Variants in CCDC15 observed in about 807,000 individuals in gnomAD.
CCDC15 encodes coiled-coil domain containing 15.
In CCDC15, 105 loss-of-function variants were observed where a neutral mutation model predicts 114.5. That is an observed-to-expected ratio of 0.92 (90% CI 0.78 to 1.08). CCDC15 has a LOEUF of 1.08. Among genes scored for constraint, CCDC15 ranks in the 50% least tolerant of loss-of-function variants. The pLI is 0.00. For missense variants in CCDC15, 1,105 were observed against 1,093.6 expected (o/e 1.01, Z -0.15); for synonymous variants, 334 against 377.8 (o/e 0.88, Z 1.34).
At chr11:125,037,302 T>C (rs1407442919) in intron 13 of CCDC15, among the ~76,000 whole-genome samples, 1 of 152,238 alleles carries the variant, frequency 6.6e-6, no homozygotes, top group Non-Finnish European at 1.5e-5. Context: ...TTCTGTGAAA[T>C]ACAAGTTTTT....
chr11:125,006,357 T>C (rs1256940251), intron 13 of CCDC15, among the ~76,000 whole-genome samples: 1 of 152,232 alleles, frequency 6.6e-6, no homozygotes, highest in Non-Finnish European at 1.5e-5. Context: ...CATCTGTGTA[T>C]CTTCTTTGGT....
intron 1 of CCDC15, 99 bp downstream of exon 1, chr11:124,954,469 C>T (rs1947513312): frequency 9.2e-6 from 3 of 325,448 alleles, no homozygotes; most frequent in Non-Finnish European, 1.8e-5. Context: ...CTCTCATTCC[C>T]ATCCTTTCTC....
chr11:124,976,722 A>G (rs1454987549), intron 5 of CCDC15, among the ~76,000 whole-genome samples: 1 of 152,138 alleles, frequency 6.6e-6, no homozygotes, highest in Non-Finnish European at 1.5e-5. Flanking sequence ...AAAGTGTACT[A>G]TTCACAGTTC....
intron 4 of CCDC15, among the ~76,000 whole-genome samples, chr11:124,963,150 T>G (rs1421764127): frequency 1.3e-5 from 2 of 152,238 alleles, no homozygotes. Context: ...CCTTTGGGTA[T>G]ATACCAAGTA....
chr11:124,968,826 T>C (rs1480319154), intron 4 of CCDC15, among the ~76,000 whole-genome samples: 2 of 152,194 alleles, frequency 1.3e-5, no homozygotes, highest in African/African-American at 4.8e-5. Flanking sequence ...TCTCCATATG[T>C]GGCCATCTAA....
intron 8 of CCDC15, 92 bp downstream of exon 8, chr11:124,988,226 G>C (rs984665849): frequency 2.4e-5 from 32 of 1,312,236 alleles, no homozygotes; most frequent in Non-Finnish European, 3.1e-5. Context: ...ATACCTTGGA[G>C]ATACTGTGGG....
In CCDC15 at chr11:124,985,648, C is replaced by T. The variant is rs556127373; in HGVS notation, c.754-1094C>T. Among the ~76,000 whole-genome samples the T allele has an allele frequency of 5.3e-5, 8 of 151,632 alleles. No individual in the cohort carries two copies. In the South Asian group the frequency reaches 1.7e-3, roughly 32 times the overall value. Reference sequence around the variant, plus strand: ...TAACTCTTGTGGATAAAATGTCATGCATGTGCTTTACCCATTTTTTAATTG... The same window carrying T: ...TAACTCTTGTGGATAAAATGTCATGTATGTGCTTTACCCATTTTTTAATTG... On this transcript the variant is annotated intron_variant, in intron 6 of 15. Transcript: ENST00000344762.
chr11:124,975,515 A>G (rs1175826446), intron 5 of CCDC15, among the ~76,000 whole-genome samples: 1 of 152,216 alleles, frequency 6.6e-6, no homozygotes, highest in Non-Finnish European at 1.5e-5. Context: ...ACAAATACTT[A>G]TGGAATGTCT....
chr11:124,959,349 T>G, intron 3 of CCDC15, 85 bp downstream of exon 3: 1 of 1,131,694 alleles, frequency 8.8e-7, no homozygotes, highest in Non-Finnish European at 1.2e-6. Flanking sequence ...ACAGAATTGC[T>G]TTCCTTTGAT....
chr11:125,015,385 TAGGAA>T (rs1948622211), intron 13 of CCDC15, among the ~76,000 whole-genome samples: 2 of 152,250 alleles, frequency 1.3e-5, no homozygotes, highest in South Asian at 4.1e-4. Context: ...TCACCAATAT[TAGGAA>T]TGGAAAGGGA....
Position 124,977,518 on chromosome 11 carries a change from C to T in CCDC15, c.671C>T (p.Thr224Ile), listed in dbSNP as rs1165448999. 3 of 1,603,854 alleles carry T rather than the reference C, an allele frequency of 1.9e-6. No individual in the cohort carries two copies. The highest frequency in any genetic ancestry group is 2.6e-6 in the Non-Finnish European group (3 of 1,174,962). Residue 224 changes from threonine (T) to isoleucine (I), a missense_variant, in exon 6 of 16, where the codon ACA becomes ATA. Transcript: ENST00000344762. ...AAACCAGCATCCACTGGGATAAATA[C>T]AGGAATAAGAGGAGAGTTGCCCATT... Reference protein sequence around the residue: ...SRKPASTGINTGIRGELPIKV... With the variant: ...SRKPASTGINIGIRGELPIKV...
In CCDC15 at chr11:124,982,749, C is replaced by G. The variant is rs7951535; in HGVS notation, c.754-3993C>G. On this transcript the variant is annotated intron_variant, in intron 6 of 15. Transcript: ENST00000344762. The stretch of plus-strand genomic sequence containing the variant: ...TTCTTTTATTTTGACCTTGGAGAAT[C>G]TAAGAACTGTGTGGTTGGGGGATGG... 3.1e-3 allele frequency among the ~76,000 whole-genome samples: 477 copies of G among 152,244 alleles called. 2 individuals are homozygous for G. Among genetic ancestry groups the G allele is most frequent in the African/African-American group, 0.011 (447 of 41,538 alleles).
chr11:124,991,656 A>G, intron 9 of CCDC15, 73 bp downstream of exon 9: 2 of 1,331,494 alleles, frequency 1.5e-6, no homozygotes, highest in Non-Finnish European at 1.0e-6. Context: ...CTGGTAATTT[A>G]GAATGAGGGA....
At chr11:125,000,311 AATGTTACTT>A (rs1352172404) in intron 11 of CCDC15, among the ~76,000 whole-genome samples, 2 of 152,180 alleles carry the variant, frequency 1.3e-5, no homozygotes, top group East Asian at 3.8e-4. Context: ...CCATGGCTTC[AATGTTACTT>A]TAGTTTTCAA....
chr11:124,977,242 G>T (rs962952467), intron 5 of CCDC15, among the ~76,000 whole-genome samples: 1 of 152,112 alleles, frequency 6.6e-6, no homozygotes, highest in Admixed American at 6.5e-5. Flanking sequence ...GGCTAGAATA[G>T]GTGCAAGTTG....
At chr11:124,958,320 A>G (rs569581084) in intron 2 of CCDC15, among the ~76,000 whole-genome samples, 39 of 152,112 alleles carry the variant, frequency 2.6e-4, no homozygotes, top group African/African-American at 9.2e-4. Flanking sequence ...ATGCGACCCA[A>G]TGTAAATTAA....
chr11:124,972,784 A>G (rs756505595), intron 4 of CCDC15, among the ~76,000 whole-genome samples: 1 of 152,092 alleles, frequency 6.6e-6, no homozygotes, highest in African/African-American at 2.4e-5. Context: ...TTGTGGCTGC[A>G]TCACATCAAT....
intron 13 of CCDC15, among the ~76,000 whole-genome samples, chr11:125,037,910 C>A (rs1222114365): frequency 7.2e-6 from 1 of 139,618 alleles, no homozygotes; most frequent in Non-Finnish European, 1.5e-5. Context: ...TACATTCTTA[C>A]AGAAAAACTG....
At chr11:124,996,147 C>T (rs552392740) in intron 11 of CCDC15, among the ~76,000 whole-genome samples, 5 of 152,042 alleles carry the variant, frequency 3.3e-5, no homozygotes, top group African/African-American at 9.6e-5. Flanking sequence ...TCACCTTTTA[C>T]GCTGCCAAAT....
Sources: allele counts gnomAD v4.1 joint callset (sites outside exome capture counted in the v4.1 genomes callset), GRCh38; gene constraint gnomAD v4.1.1; transcripts MANE v1.5; gene names NCBI Gene and HGNC (gene_info 2026-07-23, HGNC 2026-07-21).